The following AGBL4 variants were observed in gnomAD, a reference collection of about 807,000 sequenced individuals.
AGBL4 encodes the protein AGBL carboxypeptidase 4, also known as cytosolic carboxypeptidase 6.
AGBL4 carries 58 observed loss-of-function variants against 66.4 expected under a neutral mutation model. The ratio of observed to expected loss-of-function variants is 0.87; its 90% CI spans 0.71 to 1.09. AGBL4 has a LOEUF of 1.09. Among genes scored for constraint, AGBL4 ranks in the 50% least tolerant of loss-of-function variants. The pLI is 0.00. For synonymous variants in AGBL4, 234 were observed against 222.9 expected (o/e 1.05, Z -0.44); for missense variants, 579 against 631.0 (o/e 0.92, Z 0.88).
intron 1 of AGBL4, among the ~76,000 whole-genome samples, chr1:49,977,707 A>G (rs1438450960): frequency 6.6e-6 from 1 of 152,070 alleles, no homozygotes; most frequent in East Asian, 1.9e-4. Context: ...TTTTATTTCT[A>G]TTGTTTTCAA....
chr1:48,573,242 C>T (rs1569846119), intron 11 of AGBL4, among the ~76,000 whole-genome samples: 1 of 152,226 alleles, frequency 6.6e-6, no homozygotes, highest in South Asian at 2.1e-4. Flanking sequence ...TTCTCGCTTA[C>T]TATGCCATTT....
intron 5 of AGBL4, among the ~76,000 whole-genome samples, chr1:49,018,988 G>A (rs1292597060): frequency 6.6e-6 from 1 of 152,040 alleles, no homozygotes; most frequent in Non-Finnish European, 1.5e-5. Context: ...AAAAACAAAC[G>A]ATTCTGGCTT....
chr1:49,470,392 C>A (rs1490082465), intron 3 of AGBL4, among the ~76,000 whole-genome samples: 1 of 151,904 alleles, frequency 6.6e-6, no homozygotes, highest in Non-Finnish European at 1.5e-5. Context: ...ATAGGAGAAA[C>A]TAATTTACTA....
intron 6 of AGBL4, chr1:48,742,655 C>T (rs1262843260): frequency 6.2e-7 from 1 of 1,605,600 alleles, no homozygotes; most frequent in Non-Finnish European, 8.5e-7. Flanking sequence ...TTGTCCATGA[C>T]AGGCGCAGGA....
intron 6 of AGBL4, among the ~76,000 whole-genome samples, chr1:48,759,900 A>G (rs145933524): frequency 9.8e-5 from 15 of 152,330 alleles, no homozygotes; most frequent in African/African-American, 3.1e-4. Context: ...CAGAACTGGC[A>G]CTCAGTAGGG....
chr1:49,999,364 A>T (rs1660584184), intron 1 of AGBL4, among the ~76,000 whole-genome samples: 1 of 151,568 alleles, frequency 6.6e-6, no homozygotes, highest in Non-Finnish European at 1.5e-5. Context: ...TCAGAATTAT[A>T]CCTAACCAAG....
chr1:49,777,590 C>T (rs540901818), intron 2 of AGBL4, among the ~76,000 whole-genome samples: 1 of 152,282 alleles, frequency 6.6e-6, no homozygotes, highest in African/African-American at 2.4e-5. Flanking sequence ...CAGCCTAGCA[C>T]TCCAAAGTTT....
intron 3 of AGBL4, among the ~76,000 whole-genome samples, chr1:49,645,211 A>G (rs1412746965): frequency 6.6e-6 from 1 of 151,518 alleles, no homozygotes; most frequent in Non-Finnish European, 1.5e-5. Flanking sequence ...ATTACACTCA[A>G]TGTAAGTAGA....
intron 6 of AGBL4, among the ~76,000 whole-genome samples, chr1:48,755,503 T>C (rs1652407830): frequency 6.6e-6 from 1 of 152,056 alleles, no homozygotes. Context: ...GGAGCAACAC[T>C]CAAATGAGGC....
At chr1:48,631,273 G>A (rs1645588385) in intron 9 of AGBL4, among the ~76,000 whole-genome samples, 1 of 152,210 alleles carries the variant, frequency 6.6e-6, no homozygotes, top group African/African-American at 2.4e-5. Flanking sequence ...TCAGGGAACT[G>A]CAGTGTTTGC....
intron 3 of AGBL4, among the ~76,000 whole-genome samples, chr1:49,261,846 C>T (rs1447649167): frequency 5.4e-5 from 8 of 149,096 alleles, no homozygotes; most frequent in African/African-American, 2.0e-4. Context: ...GAGCCCACAT[C>T]GCCAAGTCAA....
intron 5 of AGBL4, among the ~76,000 whole-genome samples, chr1:48,969,372 G>C (rs1213886271): frequency 6.6e-6 from 1 of 152,024 alleles, no homozygotes; most frequent in Non-Finnish European, 1.5e-5. Context: ...TTTTTCAAAG[G>C]CTATTCCACA....
chr1:49,306,106 C>G (rs1002618904), intron 3 of AGBL4, among the ~76,000 whole-genome samples: 1 of 152,126 alleles, frequency 6.6e-6, no homozygotes, highest in Non-Finnish European at 1.5e-5. Context: ...TGGTTTTATA[C>G]ATAGGAGGCT....
intron 2 of AGBL4, among the ~76,000 whole-genome samples, chr1:49,739,755 C>T (rs1214226904): frequency 1.3e-4 from 20 of 152,174 alleles, no homozygotes; most frequent in Admixed American, 1.3e-3. Context: ...ATTCAACATT[C>T]TTAAAGAAAA....
Position 48,686,903 on chromosome 1 carries a change from T to C in AGBL4, c.635-23662A>G, listed in dbSNP as rs180800719. ...GACTCTGGAGATACTTCCACAAGGA[T>C]TGGGGGTCGCCCTTTGCCTGTCTGC... On this transcript the variant is annotated intron_variant, in intron 6 of 13. Transcript: ENST00000371839. Among the ~76,000 whole-genome samples, 162 of 152,288 alleles carry C rather than the reference T, an allele frequency of 1.1e-3. 1 individual carries two copies. Among genetic ancestry groups the C allele is most frequent in the Non-Finnish European group, 1.3e-3 (86 of 68,024 alleles).
intron 3 of AGBL4, among the ~76,000 whole-genome samples, chr1:49,456,982 G>T (rs543087428): frequency 4.0e-5 from 6 of 151,708 alleles, no homozygotes; most frequent in Non-Finnish European, 7.4e-5. Context: ...TGATTGATGA[G>T]CATTTGGGCT....
chr1:49,665,896 T>A (rs950414863), intron 3 of AGBL4, among the ~76,000 whole-genome samples: 1 of 151,458 alleles, frequency 6.6e-6, no homozygotes, highest in Non-Finnish European at 1.5e-5. Context: ...CAGTAGTCAA[T>A]AAAATTGGTC....
rs181090239 is a variant in AGBL4, at chr1:49,936,353, G to A, written c.35-84835C>T. Among the ~76,000 whole-genome samples, 41 of 152,250 alleles carry A rather than the reference G, an allele frequency of 2.7e-4. 1 individual carries two copies. The East Asian group carries it at 5.2e-3, about 19-fold the overall frequency. ...GGGACTATGTGAAAAGACCAAATCT[G>A]CGTCTGATTGGGGTACCTTAAAGTG... On this transcript the variant is annotated intron_variant, in intron 1 of 13. Transcript: ENST00000371839.
chr1:49,193,268 T>C (rs149792787), intron 4 of AGBL4, among the ~76,000 whole-genome samples: 1 of 152,126 alleles, frequency 6.6e-6, no homozygotes, highest in African/African-American at 2.4e-5. Context: ...AGTTTGTTCT[T>C]GTTTTTCTAG....
Sources: gnomAD v4.1 joint callset for allele counts (sites outside exome capture counted in the v4.1 genomes callset) on GRCh38, gnomAD v4.1.1 for gene constraint, MANE v1.5 for transcripts, NCBI Gene and HGNC (gene_info 2026-07-23, HGNC 2026-07-21) for gene names.